The following RALGPS1 variants were observed in gnomAD, a reference collection of about 807,000 sequenced individuals.
The protein encoded by RALGPS1 is Ral GEF with PH domain and SH3 binding motif 1.
In RALGPS1, 19 loss-of-function variants were observed where a neutral mutation model predicts 78.8. The ratio of observed to expected loss-of-function variants is 0.24; its 90% CI spans 0.17 to 0.35. The LOEUF (loss-of-function observed/expected upper bound fraction) is 0.35. Among genes scored for constraint, RALGPS1 ranks in the 10% least tolerant of loss-of-function variants. The probability of loss-of-function intolerance (pLI) is 1.00; values close to 1 mark genes in which losing one functional copy is unlikely to be tolerated. For missense variants in RALGPS1, 454 were observed against 688.3 expected (o/e 0.66, Z 3.81); for synonymous variants, 228 against 256.3 (o/e 0.89, Z 1.06).
At chr9:126,987,810 G>C (rs2041940371) in intron 4 of RALGPS1, among the ~76,000 whole-genome samples, 1 of 152,156 alleles carries the variant, frequency 6.6e-6, no homozygotes, top group Admixed American at 6.5e-5. Flanking sequence ...CGATGAAGGG[G>C]ACCTCGGCAC....
chr9:127,030,222 T>C (rs1215286122), intron 4 of RALGPS1, among the ~76,000 whole-genome samples: 2 of 152,110 alleles, frequency 1.3e-5, no homozygotes, highest in Non-Finnish European at 2.9e-5. Context: ...GAGAGAAACT[T>C]GGGCTGGACA....
chr9:127,088,599 G>A (rs553619650), intron 8 of RALGPS1: 5 of 340,956 alleles, frequency 1.5e-5, no homozygotes, highest in African/African-American at 6.2e-5. Flanking sequence ...ATACACATAC[G>A]TGCACAAGGG....
chr9:127,168,583 C>T, intron 9 of RALGPS1, 96 bp from the exon 10 acceptor site: 2 of 876,226 alleles, frequency 2.3e-6, no homozygotes, highest in Non-Finnish European at 3.8e-6. Flanking sequence ...GTCTCAGTAT[C>T]CTGGGAGCAT....
At chr9:127,216,705 G>A (rs912971131) in intron 18 of RALGPS1, among the ~76,000 whole-genome samples, 15 of 152,166 alleles carry the variant, frequency 9.9e-5, no homozygotes, top group African/African-American at 2.2e-4. Flanking sequence ...GGTTTTGGTC[G>A]GCAGCCATCT....
chr9:126,979,874 G>A (rs1026977080), intron 4 of RALGPS1, among the ~76,000 whole-genome samples: 1 of 152,142 alleles, frequency 6.6e-6, no homozygotes, highest in African/African-American at 2.4e-5. Flanking sequence ...GGTACCCAGA[G>A]TCCCCTCCCC....
intron 1 of RALGPS1, among the ~76,000 whole-genome samples, chr9:126,922,858 A>T (rs950231507): frequency 1.3e-5 from 2 of 152,242 alleles, no homozygotes; most frequent in African/African-American, 4.8e-5. Flanking sequence ...TTTGCTTAAA[A>T]GCCTCCAGTG....
At chr9:127,033,453 A>G (rs1169001425) in intron 4 of RALGPS1, among the ~76,000 whole-genome samples, 1 of 152,040 alleles carries the variant, frequency 6.6e-6, no homozygotes. Flanking sequence ...CCTGATCTGT[A>G]TCTATTGTAG....
At chr9:127,089,671 T>A (rs2052220864) in intron 8 of RALGPS1, among the ~76,000 whole-genome samples, 1 of 152,238 alleles carries the variant, frequency 6.6e-6, no homozygotes, top group South Asian at 2.1e-4. Context: ...CCAGCTTGTA[T>A]TCCATCCAAA....
chr9:127,058,608 G>A lies in RALGPS1; in HGVS notation c.483+5669G>A, dbSNP rs181540438. 1.1e-4 allele frequency among the ~76,000 whole-genome samples: 16 copies of A among 152,192 alleles called. 1 individual carries two copies. Among genetic ancestry groups the A allele is most frequent in the Admixed American group, 8.5e-4 (13 of 15,288 alleles). On this transcript the variant is annotated intron_variant, in intron 7 of 18. Transcript: ENST00000259351. ...AATGAGGGGTGAGTCCTAGGTTTTG[G>A]GCCTGAGCAACTGAGAAGCTAATGA...
intron 7 of RALGPS1, among the ~76,000 whole-genome samples, chr9:127,062,387 C>T (rs142714832): frequency 7.1e-4 from 108 of 152,240 alleles, no homozygotes; most frequent in African/African-American, 2.5e-3. Context: ...TGTGAGCTGC[C>T]GCGCCCGGCC....
chr9:127,103,139 T>A (rs531875661), intron 8 of RALGPS1, among the ~76,000 whole-genome samples: 4 of 152,370 alleles, frequency 2.6e-5, no homozygotes, highest in African/African-American at 9.6e-5. Flanking sequence ...CCAGAAAGAA[T>A]GGGAGCTACA....
At chr9:127,213,072 C>A in intron 17 of RALGPS1, 23 bp downstream of exon 17, 1 of 1,613,918 alleles carries the variant, frequency 6.2e-7, no homozygotes, top group Non-Finnish European at 8.5e-7. Context: ...CCAGAGCTGG[C>A]GCCTGCAGCT....
intron 14 of RALGPS1, among the ~76,000 whole-genome samples, chr9:127,203,097 C>T (rs1318151313): frequency 6.6e-6 from 1 of 152,160 alleles, no homozygotes; most frequent in East Asian, 1.9e-4. Flanking sequence ...AAGATGAAAA[C>T]AAGAATATCA....
chr9:127,108,486 G>T, intron 8 of RALGPS1: 1 of 1,612,588 alleles, frequency 6.2e-7, no homozygotes, highest in South Asian at 1.1e-5. Flanking sequence ...TATGCACTCG[G>T]TTCTCCAGAA....
intron 3 of RALGPS1, among the ~76,000 whole-genome samples, chr9:126,972,479 A>G (rs954326443): frequency 1.3e-5 from 2 of 152,242 alleles, no homozygotes; most frequent in African/African-American, 4.8e-5. Context: ...AACCCCAGTG[A>G]ATGAAAATAT....
chr9:127,026,185 C>T (rs1162222976), intron 4 of RALGPS1, among the ~76,000 whole-genome samples: 1 of 152,050 alleles, frequency 6.6e-6, no homozygotes, highest in African/African-American at 2.4e-5. Context: ...ACTTGGAGTT[C>T]GATGTTTGAG....
At chr9:127,026,099 C>T (rs374010366) in intron 4 of RALGPS1, among the ~76,000 whole-genome samples, 19 of 152,138 alleles carry the variant, frequency 1.2e-4, no homozygotes, top group Admixed American at 9.8e-4. Context: ...TTAACTCACA[C>T]GATCACAGGG....
At chr9:127,202,636 GTGTT>G (rs2061696042) in intron 14 of RALGPS1, among the ~76,000 whole-genome samples, 1 of 152,146 alleles carries the variant, frequency 6.6e-6, no homozygotes, top group Non-Finnish European at 1.5e-5. Context: ...ATGCAGGGAG[GTGTT>G]TGTTAGTCAC....
chr9:126,949,436 C>A (rs1320337258), intron 1 of RALGPS1, among the ~76,000 whole-genome samples: 8 of 152,268 alleles, frequency 5.3e-5, no homozygotes, highest in African/African-American at 9.6e-5. Context: ...CCAACAGCGT[C>A]AAAGTGTTCC....
Sources: gnomAD v4.1 joint callset for allele counts (sites outside exome capture counted in the v4.1 genomes callset) on GRCh38, gnomAD v4.1.1 for gene constraint, MANE v1.5 for transcripts, NCBI Gene and HGNC (gene_info 2026-07-23, HGNC 2026-07-21) for gene names.